TTC7B: variants seen among roughly 807,000 people sequenced by gnomAD.
TTC7B encodes the protein tetratricopeptide repeat protein 7B.
In TTC7B, 28 loss-of-function variants were observed where a neutral mutation model predicts 106.8. The observed-to-expected ratio is 0.26, with a 90% CI of 0.19 to 0.36. The LOEUF (loss-of-function observed/expected upper bound fraction) is 0.36. Among genes scored for constraint, TTC7B ranks in the 10% least tolerant of loss-of-function variants. TTC7B has a pLI of 1.00. For synonymous variants in TTC7B, 405 were observed against 430.6 expected, an observed-to-expected ratio of 0.94 and a Z score of 0.74; for missense variants, 862 against 1,076.4, an observed-to-expected ratio of 0.80 and a Z score of 2.79.
chr14:90,816,239 G>A lies in TTC7B; in HGVS notation c.57C>T (p.Ser19=), dbSNP rs773431845. 7.9e-6 allele frequency: 10 copies of A among 1,264,510 alleles called. No homozygotes were observed. The highest frequency in any genetic ancestry group is 9.2e-6 in the Non-Finnish European group (9 of 973,174). 78.3% of individuals were successfully genotyped at this position (1,264,510 alleles called of 1,614,324 possible). A position where few individuals can be genotyped will look rare whatever the true frequency, so the allele number is the denominator to read the frequency against. ...RLETEIERCR[S]ECQWERIPEL... is the part of the protein sequence containing the mutation. ...CAGGGATCCGCTCCCACTGGCACTC[G>A]GAGCGGCAGCGCTCGATCTCCGTCT... The change falls in exon 1 of 20, where the codon TCC becomes TCT. Residue 19 remains serine (S), a synonymous_variant. Coordinates refer to ENST00000328459, the MANE Select transcript of TTC7B (RefSeq NM_001010854.2).
intron 18 of TTC7B, among the ~76,000 whole-genome samples, chr14:90,579,631 C>G (rs1891405664): frequency 2.6e-5 from 4 of 152,106 alleles, no homozygotes; most frequent in Admixed American, 2.0e-4. Context: ...AACCCCGTCT[C>G]TACCAAAAAT....
At chr14:90,761,368 A>G (rs1033690805) in intron 3 of TTC7B, among the ~76,000 whole-genome samples, 4 of 151,678 alleles carry the variant, frequency 2.6e-5, no homozygotes, top group Admixed American at 2.0e-4. Flanking sequence ...GACAACCATC[A>G]CCCCCACCAG....
chr14:90,554,625 G>A (rs1458634322), intron 19 of TTC7B, among the ~76,000 whole-genome samples: 5 of 152,210 alleles, frequency 3.3e-5, no homozygotes, highest in African/African-American at 1.2e-4. Context: ...GGACTGGAGG[G>A]GCTGGTTTGC....
intron 19 of TTC7B, among the ~76,000 whole-genome samples, chr14:90,548,114 G>A (rs1889913441): frequency 6.6e-6 from 1 of 152,226 alleles, no homozygotes; most frequent in Non-Finnish European, 1.5e-5. Context: ...GGGCATGGCT[G>A]ATGGGCAGGC....
intron 16 of TTC7B, 52 bp from the exon 17 acceptor site, chr14:90,610,891 G>A (rs750314966): frequency 7.8e-7 from 1 of 1,281,998 alleles, no homozygotes; most frequent in South Asian, 1.2e-5. Context: ...GAGGAGGGAA[G>A]GAAAGAGAGG....
chr14:90,780,775 G>A lies in TTC7B; in HGVS notation c.408C>T (p.Tyr136=), dbSNP rs1891194056. The A allele has an allele frequency of 6.2e-7, 1 of 1,614,256 alleles. No individual in the cohort carries two copies. Among genetic ancestry groups the A allele is most frequent in the East Asian group, 2.2e-5 (1 of 44,890 alleles). Residue 136 remains tyrosine, a synonymous_variant, in exon 3 of 20, where the codon TAC becomes TAT. Transcript: ENST00000328459. ...AGGCTTCTGCGATCACCCGCAGCCT[G>A]TAGGGCGGGACAGCTGTCAGTGGCA... ...DDLPLTAVPP[Y]RLRVIAEAYA...
chr14:90,662,426 T>G (rs1886245674), intron 9 of TTC7B, among the ~76,000 whole-genome samples: 1 of 152,216 alleles, frequency 6.6e-6, no homozygotes, highest in Non-Finnish European at 1.5e-5. Context: ...ACAAGTCCGG[T>G]TCCGTCACCT....
At chr14:90,756,694 C>T (rs980195102) in intron 3 of TTC7B, among the ~76,000 whole-genome samples, 1 of 152,008 alleles carries the variant, frequency 6.6e-6, no homozygotes, top group African/African-American at 2.4e-5. Flanking sequence ...CGCGCCTGGC[C>T]GAGAAATGTT....
Position 90,808,564 on chromosome 14 carries a change from G to A in TTC7B, c.121+7611C>T, listed in dbSNP as rs2030728296. ...GCAGGGACAGACAAATCCCATGGGT[G>A]GAAGGGCTGCAGCCACTCCATTAGC... On this transcript the variant is annotated intron_variant, in intron 1 of 19. Coordinates refer to ENST00000328459, the MANE Select transcript of TTC7B (RefSeq NM_001010854.2). The surrounding 1 kb of genome is among the most constrained non-coding windows in gnomAD (Gnocchi z 4.2). 6.6e-6 allele frequency among the ~76,000 whole-genome samples: 1 copy of A among 152,182 alleles called. No individual in the cohort carries two copies.
chr14:90,812,376 A>G (rs1009709014), intron 1 of TTC7B, among the ~76,000 whole-genome samples: 5 of 152,118 alleles, frequency 3.3e-5, no homozygotes, highest in Admixed American at 3.3e-4. Flanking sequence ...AGCCCACATG[A>G]AGCTGATGTG....
chr14:90,772,576 A>G (rs1344776794), intron 3 of TTC7B: 1 of 152,254 alleles, frequency 6.6e-6, no homozygotes, highest in African/African-American at 2.4e-5. Context: ...CTGTAGTGTT[A>G]ACAGCAACTG....
intron 15 of TTC7B, among the ~76,000 whole-genome samples, chr14:90,620,552 G>A (rs1170414774): frequency 1.3e-5 from 2 of 152,150 alleles, no homozygotes; most frequent in South Asian, 4.1e-4. Context: ...AAGCAATTGC[G>A]GCAAGGGGAG....
intron 19 of TTC7B, among the ~76,000 whole-genome samples, chr14:90,555,205 C>T (rs1257190168): frequency 6.6e-6 from 1 of 152,194 alleles, no homozygotes; most frequent in Non-Finnish European, 1.5e-5. Context: ...GGTCAGCTGA[C>T]CCTGGACCCC....
At chr14:90,726,451 C>T (rs1889107021) in intron 5 of TTC7B, among the ~76,000 whole-genome samples, 5 of 152,200 alleles carry the variant, frequency 3.3e-5, no homozygotes, top group Admixed American at 3.3e-4. Flanking sequence ...TACTTCTCCA[C>T]AAGCTCCCAC....
intron 19 of TTC7B, among the ~76,000 whole-genome samples, chr14:90,552,768 C>T (rs760726380): frequency 2.6e-5 from 4 of 152,220 alleles, no homozygotes; most frequent in Non-Finnish European, 4.4e-5. Flanking sequence ...GCCTGGCCCC[C>T]AGGCCGGACA....
At chr14:90,706,195 G>A (rs1476813154) in intron 5 of TTC7B, among the ~76,000 whole-genome samples, 6 of 141,936 alleles carry the variant, frequency 4.2e-5, no homozygotes, top group African/African-American at 8.0e-5. Flanking sequence ...ATGGAGTCTC[G>A]CTCTGTTGCC....
At chr14:90,660,417 A>AAGAAAAG (rs1555386789) in intron 9 of TTC7B, among the ~76,000 whole-genome samples, 12 of 119,486 alleles carry the variant, frequency 1.0e-4, no homozygotes, top group African/African-American at 4.4e-4. Context: ...AAAAAAAAAA[A>AAGAAAAG]AAAAGAAAAG....
rs73326809 is a variant in TTC7B at position 90,592,393 on chromosome 14, G to A, written c.2107+1093C>T. Among the ~76,000 whole-genome samples the A allele has an allele frequency of 8.9e-3, 1,363 of 152,320 alleles. 25 individuals are homozygous for A. Among genetic ancestry groups the A allele is most frequent in the African/African-American group, 0.03 (1,240 of 41,568 alleles). ...AGCCATTATTTCTTGGAAGCGCAGTGTAGTGGGATTCTCGTTATTAAAATG... is the reference window on the plus strand; with the variant it reads ...AGCCATTATTTCTTGGAAGCGCAGTATAGTGGGATTCTCGTTATTAAAATG... On this transcript the variant is annotated intron_variant, in intron 18 of 19. Transcript: ENST00000328459.
chr14:90,668,827 C>CTT lies in TTC7B; in HGVS notation c.1152+7694_1152+7695dup, dbSNP rs11291974. Among the ~76,000 whole-genome samples the CTT allele has an allele frequency of 3.4e-3, 300 of 88,534 alleles. 13 individuals carry two copies. Among genetic ancestry groups the CTT allele is most frequent in the African/African-American group, 0.012 (262 of 22,446 alleles). 58.1% of individuals were successfully genotyped at this position (88,534 alleles called of 152,430 possible). On this transcript the variant is annotated intron_variant, in intron 9 of 19. Coordinates refer to ENST00000328459, the MANE Select transcript of TTC7B (RefSeq NM_001010854.2). ...CAATGCATCCCTATCAAAATTTCAA[C>CTT]TTTTTTTTTTTTTTTTTTTTTTTTT...
Sources: gnomAD v4.1 joint callset for allele counts (sites outside exome capture counted in the v4.1 genomes callset) on GRCh38, gnomAD v4.1.1 for gene constraint, Gnocchi (gnomAD v3.1) non-coding constraint, MANE v1.5 for transcripts, NCBI Gene and HGNC (gene_info 2026-07-23, HGNC 2026-07-21) for gene names.